Variants in SUCO observed in about 807,000 individuals in gnomAD.
The protein encoded by SUCO is SUN domain containing ossification factor.
Under a neutral mutation model 148.1 loss-of-function variants are expected in SUCO, and 57 were observed. That is an observed-to-expected ratio of 0.38 (90% CI 0.31 to 0.48). SUCO has a LOEUF of 0.48. Ranked by LOEUF, SUCO falls within the 20% of genes least tolerant of loss-of-function variation. The pLI, the probability that SUCO is intolerant of heterozygous loss-of-function variation, is 0.96. For synonymous variants in SUCO, 470 were observed against 502.7 expected (o/e 0.93, Z 0.87); for missense variants, 1,331 against 1,468.2 (o/e 0.91, Z 1.53).
Position 172,551,650 on chromosome 1 carries a change from A to G in SUCO, c.177+24A>G, listed in dbSNP as rs565786532. On this transcript the variant is annotated intron_variant, in intron 2 of 23. Transcript: ENST00000263688. ...AGGTGCCTTAAATAAAGTTAACATTATAATTTGTGTGTCAGCTTTCTGAGA... is the reference window on the plus strand; with the variant it reads ...AGGTGCCTTAAATAAAGTTAACATTGTAATTTGTGTGTCAGCTTTCTGAGA... The G allele has an allele frequency of 2.2e-5, 32 of 1,440,832 alleles. 1 individual carries two copies. The South Asian group carries it at 3.1e-4, about 14-fold the overall frequency. 89.3% of individuals were successfully genotyped at this position (1,440,832 alleles called of 1,614,324 possible). A position where few individuals can be genotyped will look rare whatever the true frequency, so the allele number is the denominator to read the frequency against.
chr1:172,589,307 G>T lies in SUCO; in HGVS notation c.2206G>T (p.Asp736Tyr). 6.2e-7 allele frequency: 1 copy of T among 1,613,476 alleles called. No individual in the cohort carries two copies. The highest frequency in any genetic ancestry group is 2.2e-5 in the East Asian group (1 of 44,874). ...SQTLSQSLLL[D>Y]ITPEINPLPK... ...AACTCTTTCTCAGTCTCTTCTTTTA[G>T]ATATTACCCCAGAAATCAATCCCTT... Residue 736 changes from aspartate to tyrosine, a missense_variant, in exon 18 of 24, where the codon GAT (aspartate) becomes TAT (tyrosine). By Grantham distance (160) the Asp-to-Tyr change is radical. Coordinates refer to ENST00000263688, the MANE Select transcript of SUCO (RefSeq NM_014283.5).
chr1:172,542,755 G>T (rs1652571420), intron 1 of SUCO: 1 of 985,274 alleles, frequency 1.0e-6, no homozygotes, highest in Non-Finnish European at 1.2e-6. Context: ...GAGAACATTG[G>T]ACTTTTGAAA....
At chr1:172,573,261 T>G (rs1291985846) in intron 9 of SUCO, among the ~76,000 whole-genome samples, 1 of 152,242 alleles carries the variant, frequency 6.6e-6, no homozygotes, top group Non-Finnish European at 1.5e-5. Flanking sequence ...TTTCTGTTAC[T>G]ATAAATTAGT....
intron 23 of SUCO, chr1:172,609,444 T>G: frequency 2.2e-6 from 2 of 915,680 alleles, no homozygotes; most frequent in Non-Finnish European, 2.6e-6. Context: ...ATCTGAACCT[T>G]GCTTTTCTCA....
chr1:172,548,701 T>C (rs983867658), intron 1 of SUCO, among the ~76,000 whole-genome samples: 2 of 152,022 alleles, frequency 1.3e-5, no homozygotes, highest in Admixed American at 6.5e-5. Flanking sequence ...CAAATTTTGT[T>C]GCAGCATGGT....
intron 22 of SUCO, chr1:172,608,536 G>A (rs1658001045): frequency 1.8e-6 from 1 of 563,318 alleles, no homozygotes; most frequent in Non-Finnish European, 3.1e-6. Context: ...GACCAGTCAA[G>A]CATAGGAATC....
intron 6 of SUCO, chr1:172,568,360 A>G (rs893666629): frequency 2.2e-6 from 2 of 909,726 alleles, no homozygotes; most frequent in African/African-American, 3.6e-5. Flanking sequence ...ACTTAATAAT[A>G]ATTCTTTGTT....
At chr1:172,564,916 A>C (rs1323421080) in intron 6 of SUCO, among the ~76,000 whole-genome samples, 1 of 152,170 alleles carries the variant, frequency 6.6e-6, no homozygotes, top group Non-Finnish European at 1.5e-5. Context: ...TTTCCCAATA[A>C]AAAATACATT....
At chr1:172,550,899 T>A (rs1014634671) in intron 1 of SUCO, 1 of 976,888 alleles carries the variant, frequency 1.0e-6, no homozygotes, top group African/African-American at 1.8e-5. Flanking sequence ...TTGGACTAGT[T>A]TTGAATGTCA....
chr1:172,533,358 C>T lies in SUCO; in HGVS notation c.-78C>T, dbSNP rs767779600. On this transcript the variant is annotated 5_prime_UTR_variant, in exon 1 of 24. Coordinates refer to ENST00000263688, the MANE Select transcript of SUCO (RefSeq NM_014283.5). ...TCACATTCTCGCGCTCCTGCTCCGG[C>T]TCCTCCATCTTGGCCTCGGCAGTGG... 1.3e-5 allele frequency: 20 copies of T among 1,551,636 alleles called. No individual in the cohort carries two copies. The South Asian group carries it at 2.4e-4, about 18-fold the overall frequency.
intron 22 of SUCO, among the ~76,000 whole-genome samples, chr1:172,606,888 G>T (rs1571301748): frequency 6.6e-6 from 1 of 151,406 alleles, no homozygotes; most frequent in African/African-American, 2.4e-5. Flanking sequence ...CCACCTTTTT[G>T]ACTTTTTATG....
intron 1 of SUCO, chr1:172,543,193 A>G (rs1652617766): frequency 5.3e-6 from 1 of 188,758 alleles, no homozygotes; most frequent in Non-Finnish European, 9.8e-6. Flanking sequence ...TAAAACTTTA[A>G]ACCTTGATAA....
chr1:172,589,954 C>A lies in SUCO; in HGVS notation c.2825+28C>A. On this transcript the variant is annotated intron_variant, in intron 18 of 23. Transcript: ENST00000263688. ...AAGCTTTATTATGAATTAGCACAGT[C>A]AGCTTCACACAGTGAGTTAAGCAGC... 3 of 1,485,764 alleles carry A rather than the reference C, an allele frequency of 2.0e-6. No homozygotes were observed. The South Asian group carries it at 4.2e-5, about 21-fold the overall frequency. The allele number at this position is 1,485,764 out of a possible 1,614,324, so 92.0% of individuals were successfully genotyped here.
At chr1:172,554,330 A>G (rs1558178522) in intron 3 of SUCO, among the ~76,000 whole-genome samples, 1 of 152,208 alleles carries the variant, frequency 6.6e-6, no homozygotes. Context: ...GTTGTGCTCA[A>G]ATACTTCCGA....
chr1:172,538,912 A>G (rs966741766), intron 1 of SUCO, among the ~76,000 whole-genome samples: 1 of 152,196 alleles, frequency 6.6e-6, no homozygotes, highest in Non-Finnish European at 1.5e-5. Flanking sequence ...ATCTTTGCAT[A>G]ACACTTGAAC....
At chr1:172,553,104 A>C in intron 2 of SUCO, 156 bp from the exon 3 acceptor site, 1 of 441,424 alleles carries the variant, frequency 2.3e-6, no homozygotes, top group African/African-American at 2.1e-5. Flanking sequence ...TCAAGGAAAT[A>C]GACAATAATC....
rs932989089 is a variant in SUCO, at chr1:172,610,197, A to C, written c.3703A>C (p.Lys1235Gln). Residue 1235 changes from lysine (K) to glutamine (Q), a missense_variant, in exon 24 of 24, where the codon AAA (lysine) becomes CAA (glutamine). Physicochemically the swap from Lys to Gln is moderately conservative, Grantham distance 53. Around this residue, in one of 3 missense-constraint regions of SUCO, gnomAD observed 334 missense variants for 352.3 expected, o/e 0.95. Transcript: ENST00000263688. ...GSLPSLHDIIKGNKEITVGTF... is the reference protein window; with the variant it reads ...GSLPSLHDIIQGNKEITVGTF... ...ATTGCCGAGCCTGCATGACATAATC[A>C]AAGGAAACAAAGAGATCACCGTGGG... The C allele has an allele frequency of 1.9e-6, 3 of 1,611,786 alleles. No homozygotes were observed. Among genetic ancestry groups the C allele is most frequent in the African/African-American group, 2.7e-5 (2 of 74,702 alleles).
At chr1:172,604,474 CTTATT>C (rs1018784342) in intron 22 of SUCO, among the ~76,000 whole-genome samples, 16 of 151,834 alleles carry the variant, frequency 1.1e-4, no homozygotes, top group African/African-American at 3.9e-4. Flanking sequence ...TTTTACTTGC[CTTATT>C]TTCACTTCTA....
At chr1:172,546,275 C>T (rs1012810310) in intron 1 of SUCO, among the ~76,000 whole-genome samples, 1 of 152,142 alleles carries the variant, frequency 6.6e-6, no homozygotes, top group African/African-American at 2.4e-5. Flanking sequence ...AAACTTAGAT[C>T]TCTCTCCAAA....
Sources: allele counts gnomAD v4.1 joint callset (sites outside exome capture counted in the v4.1 genomes callset), GRCh38; gene constraint gnomAD v4.1.1; regional missense constraint gnomAD v4.1.1; transcripts MANE v1.5; gene names NCBI Gene and HGNC (gene_info 2026-07-23, HGNC 2026-07-21).